Variants in RC3H1 observed in about 807,000 individuals in gnomAD.
The protein encoded by RC3H1 is ring finger and CCCH-type domains 1.
In RC3H1, 50 loss-of-function variants were observed where a neutral mutation model predicts 138.2. The ratio of observed to expected loss-of-function variants is 0.36; its 90% CI spans 0.29 to 0.46. RC3H1 has a LOEUF of 0.46. Ranked by LOEUF, RC3H1 falls within the 20% of genes least tolerant of loss-of-function variation. The pLI is 1.00. For synonymous variants in RC3H1, 462 were observed against 489.1 expected, an observed-to-expected ratio of 0.94 and a Z score of 0.73; for missense variants, 1,031 against 1,388.1, an observed-to-expected ratio of 0.74 and a Z score of 4.09.
At position 173,941,254 on chromosome 1, in the gene RC3H1, C is replaced by T; in HGVS notation, c.3251+11G>A. The T allele has an allele frequency of 6.5e-7, 1 of 1,549,458 alleles. No individual in the cohort carries two copies. Among genetic ancestry groups the T allele is most frequent in the South Asian group, 1.1e-5 (1 of 89,390 alleles). On this transcript the variant is annotated intron_variant, in intron 19 of 19. Transcript: ENST00000367696. ...AATTTAATATGGCTACGACAATCTCCTTTTCTTTACCTGAATGTCAATGTA... is the reference window on the plus strand; with the variant it reads ...AATTTAATATGGCTACGACAATCTCTTTTTCTTTACCTGAATGTCAATGTA...
intron 13 of RC3H1, among the ~76,000 whole-genome samples, chr1:173,956,151 A>G (rs1335220478): frequency 6.6e-6 from 1 of 151,546 alleles, no homozygotes; most frequent in Admixed American, 6.6e-5. Flanking sequence ...AAAAAGAAAA[A>G]AAAAAGAAAA....
intron 19 of RC3H1, 122 bp from the exon 20 acceptor site, chr1:173,938,993 C>T (rs998840896): frequency 1.4e-6 from 1 of 702,586 alleles, no homozygotes; most frequent in Non-Finnish European, 2.2e-6. Context: ...TTTTAATCTA[C>T]AGCCCCTTAT....
At chr1:174,002,711 T>C (rs1300847997) in intron 1 of RC3H1, among the ~76,000 whole-genome samples, 4 of 152,210 alleles carry the variant, frequency 2.6e-5, no homozygotes, top group Non-Finnish European at 5.9e-5. Context: ...CATTTAATAA[T>C]ATTAAAGTTA....
intron 8 of RC3H1, 40 bp from the exon 9 acceptor site, chr1:173,970,657 C>T (rs1374749910): frequency 7.8e-7 from 1 of 1,283,190 alleles, no homozygotes; most frequent in East Asian, 2.4e-5. Flanking sequence ...TAATAACCCC[C>T]CACAAAAAAA....
rs966364062 is a variant in RC3H1, at chr1:173,936,616, CA to C, written c.*2104del. The C allele has an allele frequency of 7.9e-5, 11 of 139,512 alleles. No homozygotes were observed. Among genetic ancestry groups the C allele is most frequent in the Non-Finnish European group, 1.1e-4 (7 of 65,280 alleles). 8.6% of individuals were successfully genotyped at this position (139,512 alleles called of 1,614,324 possible). A position where few individuals can be genotyped will look rare whatever the true frequency, so the allele number is the denominator to read the frequency against. On this transcript the variant is annotated 3_prime_UTR_variant, in exon 20 of 20. Coordinates refer to ENST00000367696, the MANE Select transcript of RC3H1 (RefSeq NM_172071.4). ...AAATCTTGGGACTCTGTCAGACATA[CA>C]AAAGTTTCTTTCCTTCTCCCAATAA...
In RC3H1 at chr1:173,936,749, ATATATATATATATTTT is replaced by A. The variant is rs1440253895; in HGVS notation, c.*1956_*1971del. The A allele has an allele frequency of 7.8e-3, 433 of 55,758 alleles. 9 individuals are homozygous for A. Among genetic ancestry groups the A allele is most frequent in the African/African-American group, 0.039 (321 of 8,206 alleles). The allele number at this position is 55,758 out of a possible 1,614,324, so 3.5% of individuals were successfully genotyped here. Reference sequence around the variant, plus strand: ...AGCATACATATATATATATATATATATATATATATATATTTTTTTTTTTTTTTTTAAAAAAAGAAGA... The same window carrying A: ...AGCATACATATATATATATATATATATTTTTTTTTTTTTAAAAAAAGAAGA... On this transcript the variant is annotated 3_prime_UTR_variant, in exon 20 of 20. Transcript: ENST00000367696.
chr1:174,009,711 G>A (rs1195593924), intron 1 of RC3H1, among the ~76,000 whole-genome samples: 6 of 152,066 alleles, frequency 3.9e-5, no homozygotes, highest in South Asian at 2.1e-4. Context: ...GGTGGCACGC[G>A]TCTGTAGTCT....
chr1:174,003,295 G>A (rs565497486), intron 1 of RC3H1, among the ~76,000 whole-genome samples: 3 of 152,024 alleles, frequency 2.0e-5, no homozygotes, highest in African/African-American at 7.2e-5. Flanking sequence ...GCTGAGGCAG[G>A]AGAATTCCTT....
chr1:173,964,881 A>G lies in RC3H1; in HGVS notation c.1574T>C (p.Ile525Thr), dbSNP rs766861260. 3.1e-6 allele frequency: 5 copies of G among 1,613,990 alleles called. No individual in the cohort carries two copies. Among genetic ancestry groups the G allele is most frequent in the Non-Finnish European group, 4.2e-6 (5 of 1,180,018 alleles). ...SYDSSLKPGK[I>T]DHLSSSAPGS... is the part of the protein sequence containing the mutation. ...AGGAGCACTACTGCTCAGATGATCTATTTTTCCTGGTTTCAGACTAGAATC... is the reference window on the plus strand; with the variant it reads ...AGGAGCACTACTGCTCAGATGATCTGTTTTTCCTGGTTTCAGACTAGAATC... Residue 525 changes from isoleucine (I) to threonine (T), a missense_variant, in exon 10 of 20, where the codon ATA (isoleucine) becomes ACA (threonine). By Grantham distance (89) the Ile-to-Thr change is moderately conservative (BLOSUM62 -1). Around this residue, in one of 7 missense-constraint regions of RC3H1, gnomAD observed 716 missense variants for 837.9 expected, o/e 0.85. Coordinates refer to ENST00000367696, the MANE Select transcript of RC3H1 (RefSeq NM_172071.4).
intron 1 of RC3H1, among the ~76,000 whole-genome samples, chr1:174,012,230 CA>C (rs550607920): frequency 2.3e-4 from 32 of 138,794 alleles, no homozygotes; most frequent in Admixed American, 4.3e-4. Context: ...GACTCTGTCT[CA>C]AAAAAAAAAA....
intron 7 of RC3H1, among the ~76,000 whole-genome samples, chr1:173,974,615 C>T (rs1445863154): frequency 6.6e-6 from 1 of 151,764 alleles, no homozygotes; most frequent in South Asian, 2.1e-4. Context: ...AGAAGTGTGC[C>T]TGGCATGTTG....
chr1:173,962,295 T>C (rs1335032854), intron 11 of RC3H1, among the ~76,000 whole-genome samples, 200 bp from the exon 12 acceptor site: 1 of 152,200 alleles, frequency 6.6e-6, no homozygotes, highest in Non-Finnish European at 1.5e-5. Flanking sequence ...TTGAAAAAAC[T>C]ACCCTACTTA....
rs1408228117 is a variant in RC3H1 at position 173,935,213 on chromosome 1, ACTTAT to A, written c.*3503_*3507del. 3 of 152,198 alleles carry A rather than the reference ACTTAT, an allele frequency of 2.0e-5. No individual in the cohort carries two copies. Among genetic ancestry groups the A allele is most frequent in the Non-Finnish European group, 2.9e-5 (2 of 68,032 alleles). 9.4% of individuals were successfully genotyped at this position (152,198 alleles called of 1,614,324 possible). ...TTATCTAAGACAGGACAGTTACTGGACTTATCTTATGACAAAATTATATATAAATT... is the reference window on the plus strand; with the variant it reads ...TTATCTAAGACAGGACAGTTACTGGACTTATGACAAAATTATATATAAATT... On this transcript the variant is annotated 3_prime_UTR_variant, in exon 20 of 20. Coordinates refer to ENST00000367696, the MANE Select transcript of RC3H1 (RefSeq NM_172071.4).
intron 19 of RC3H1, among the ~76,000 whole-genome samples, chr1:173,939,380 A>G (rs1658733176): frequency 6.6e-6 from 1 of 151,846 alleles, no homozygotes; most frequent in African/African-American, 2.4e-5. Context: ...TCTACTAAAA[A>G]TACAAAAATT....
At chr1:173,992,638 A>G in intron 2 of RC3H1, 117 bp downstream of exon 2, 3 of 731,280 alleles carry the variant, frequency 4.1e-6, no homozygotes, top group Non-Finnish European at 4.5e-6. Flanking sequence ...ATTTTAATTC[A>G]ACAGGTTTCT....
chr1:174,004,592 G>A (rs1187625214), intron 1 of RC3H1, among the ~76,000 whole-genome samples: 1 of 151,704 alleles, frequency 6.6e-6, no homozygotes, highest in Non-Finnish European at 1.5e-5. Context: ...GATCACCTGA[G>A]GTCAGGGGTT....
intron 19 of RC3H1, 25 bp from the exon 20 acceptor site, chr1:173,938,896 AAAG>A: frequency 6.4e-7 from 1 of 1,552,882 alleles, no homozygotes; most frequent in South Asian, 1.2e-5. Flanking sequence ...AAATTTTGAA[AAAG>A]GAGAGAGAGA....
Position 173,931,220 on chromosome 1 carries a change from ATTAAT to A in RC3H1, c.*7496_*7500del, listed in dbSNP as rs1446661722. Reference sequence around the variant, plus strand: ...CATTTACAAAATACACACGTTCCTCATTAATTTATCATTTAATATAAATGCTGACA... The same window carrying A: ...CATTTACAAAATACACACGTTCCTCATTATCATTTAATATAAATGCTGACA... On this transcript the variant is annotated 3_prime_UTR_variant, in exon 20 of 20. Transcript: ENST00000367696. 2 of 152,246 alleles carry A rather than the reference ATTAAT, an allele frequency of 1.3e-5. No individual in the cohort carries two copies. Among genetic ancestry groups the A allele is most frequent in the Admixed American group, 6.5e-5 (1 of 15,288 alleles). The allele number at this position is 152,246 out of a possible 1,614,324, so 9.4% of individuals were successfully genotyped here. A position where few individuals can be genotyped will look rare whatever the true frequency, so the allele number is the denominator to read the frequency against.
chr1:173,931,756 T>A lies in RC3H1; in HGVS notation c.*6965A>T, dbSNP rs1030398029. Reference sequence around the variant, plus strand: ...CACGGTTTGCCAGATCCTAAGGAATTATTCACAGCCTGTGAAATTCCAATC... The same window carrying A: ...CACGGTTTGCCAGATCCTAAGGAATAATTCACAGCCTGTGAAATTCCAATC... On this transcript the variant is annotated 3_prime_UTR_variant, in exon 20 of 20. Transcript: ENST00000367696. The A allele has an allele frequency of 7.9e-5, 12 of 152,192 alleles. No individual in the cohort carries two copies. The highest frequency in any genetic ancestry group is 4.6e-4 in the Admixed American group (7 of 15,276). 9.4% of individuals were successfully genotyped at this position (152,192 alleles called of 1,614,324 possible).
Sources: gnomAD v4.1 joint callset for allele counts (sites outside exome capture counted in the v4.1 genomes callset) on GRCh38, gnomAD v4.1.1 for gene constraint, gnomAD v4.1.1 regional missense constraint, MANE v1.5 for transcripts, NCBI Gene and HGNC (gene_info 2026-07-23, HGNC 2026-07-21) for gene names.